The following ANGPTL7 variants were observed in gnomAD, a reference collection of about 807,000 sequenced individuals.
ANGPTL7 encodes angiopoietin like 7.
In ANGPTL7, 37 loss-of-function variants were observed where a neutral mutation model predicts 38.8. The ratio of observed to expected loss-of-function variants is 0.95; its 90% CI spans 0.73 to 1.25. The LOEUF (loss-of-function observed/expected upper bound fraction) is 1.25, where lower values mean the gene tolerates loss of function less well. ANGPTL7 is among the 50% of genes most tolerant of loss of function. The pLI, the probability that ANGPTL7 is intolerant of heterozygous loss-of-function variation, is 0.00. For synonymous variants in ANGPTL7, 166 were observed against 163.2 expected, an observed-to-expected ratio of 1.02 and a Z score of -0.13; for missense variants, 427 against 438.6, an observed-to-expected ratio of 0.97 and a Z score of 0.24.
chr1:11,193,540 C>T, intron 2 of ANGPTL7, 40 bp from the exon 3 acceptor site: 1 of 1,537,226 alleles, frequency 6.5e-7, no homozygotes, highest in Non-Finnish European at 8.8e-7. Context: ...CTGCCTTCTG[C>T]CCCTGCAAGT....
Position 11,189,936 on chromosome 1 carries a change from G to A in ANGPTL7, c.357G>A (p.Thr119=), listed in dbSNP as rs764501879. ...IDIMQLQAAQ[T]VTQTSADAIY... ...TCATGCAGCTGCAGGCAGCACAGAC[G>A]GTCACTCAGACCTCCGCAGGTAAGG... The change falls in exon 1 of 5, where the codon ACG becomes ACA. Residue 119 remains threonine (T), a synonymous_variant. Transcript: ENST00000376819. 10 of 1,611,722 alleles carry A rather than the reference G, an allele frequency of 6.2e-6. No homozygotes were observed. Among genetic ancestry groups the A allele is most frequent in the South Asian group, 1.1e-5 (1 of 90,774 alleles).
Position 11,192,280 on chromosome 1 carries a change from C to T in ANGPTL7, c.387C>T (p.Tyr129=), listed in dbSNP as rs780250364. The T allele has an allele frequency of 2.8e-5, 45 of 1,613,154 alleles. No individual in the cohort carries two copies. Among genetic ancestry groups the T allele is most frequent in the East Asian group, 1.3e-4 (6 of 44,888 alleles). Residue 129 remains tyrosine (Y), a synonymous_variant, in exon 2 of 5, where the codon TAC becomes TAT. Transcript: ENST00000376819. ...TVTQTSADAI[Y]DCSSLYQKNY... is the part of the protein sequence containing the mutation. ...TTTGTTCTCTTGTAGATGCCATCTA[C>T]GACTGCTCTTCCCTCTACCAGAAGA...
At position 11,195,359 on chromosome 1, in the gene ANGPTL7, TA is replaced by T. The variant is rs1456581252; in HGVS notation, c.*337del. ...AAAGAAAATAATTTTGAGATCGTTTTATCTATTTTCTCTACGGCTTAGGCTA... is the reference window on the plus strand; with the variant it reads ...AAAGAAAATAATTTTGAGATCGTTTTTCTATTTTCTCTACGGCTTAGGCTA... On this transcript the variant is annotated 3_prime_UTR_variant, in exon 5 of 5. Coordinates refer to ENST00000376819, the MANE Select transcript of ANGPTL7 (RefSeq NM_021146.4). 1 of 223,908 alleles carries T rather than the reference TA, an allele frequency of 4.5e-6. No homozygotes were observed. Among genetic ancestry groups the T allele is most frequent in the Non-Finnish European group, 8.8e-6 (1 of 113,254 alleles). The allele number at this position is 223,908 out of a possible 1,614,324, so 13.9% of individuals were successfully genotyped here. A position where few individuals can be genotyped will look rare whatever the true frequency, so the allele number is the denominator to read the frequency against.
intron 2 of ANGPTL7, 51 bp downstream of exon 2, chr1:11,192,421 C>A (rs773696473): frequency 3.5e-6 from 5 of 1,435,224 alleles, no homozygotes; most frequent in Non-Finnish European, 4.9e-6. Flanking sequence ...CCTTCACCCC[C>A]TCAAGGGGAC....
rs573634762 is a variant in ANGPTL7, at chr1:11,192,375, G to A, written c.477+5G>A. 2.5e-6 allele frequency: 4 copies of A among 1,601,898 alleles called. No individual in the cohort carries two copies. The African/African-American group carries it at 5.4e-5, about 21-fold the overall frequency. On this transcript the variant is annotated splice_donor_5th_base_variant and intron_variant, in intron 2 of 4. Coordinates refer to ENST00000376819, the MANE Select transcript of ANGPTL7 (RefSeq NM_021146.4). ...CTGGGCAGCCCTGAACTGGAGGTGA[G>A]GTCATTACAGTCACTGGCCATGCCC...
Position 11,189,510 on chromosome 1 carries a change from T to C in ANGPTL7, c.-70T>C, listed in dbSNP as rs191062280. The C allele has an allele frequency of 4.2e-4, 632 of 1,509,020 alleles. 3 individuals are homozygous for C. The African/African-American group carries it at 6.9e-3, about 17-fold the overall frequency. The allele number at this position is 1,509,020 out of a possible 1,614,324, so 93.5% of individuals were successfully genotyped here. Reference sequence around the variant, plus strand: ...AAGGTTCAGTCAGCCTGCTGCAGCTTTGCAGACCTCAGCTGGGCATCTCCA... The same window carrying C: ...AAGGTTCAGTCAGCCTGCTGCAGCTCTGCAGACCTCAGCTGGGCATCTCCA... On this transcript the variant is annotated 5_prime_UTR_variant, in exon 1 of 5. Coordinates refer to ENST00000376819, the MANE Select transcript of ANGPTL7 (RefSeq NM_021146.4).
Position 11,189,677 on chromosome 1 carries a change from A to G in ANGPTL7, c.98A>G (p.Lys33Arg). 1 of 1,614,188 alleles carries G rather than the reference A, an allele frequency of 6.2e-7. No individual in the cohort carries two copies. Among genetic ancestry groups the G allele is most frequent in the Non-Finnish European group, 8.5e-7 (1 of 1,180,020 alleles). Reference protein sequence around the residue: ...PAWLQKLSKHKTPAQPQLKAA... With the variant: ...PAWLQKLSKHRTPAQPQLKAA... ...TGGCTGCAGAAGCTCTCTAAGCACAAGACACCAGCACAGCCACAGCTCAAA... is the reference window on the plus strand; with the variant it reads ...TGGCTGCAGAAGCTCTCTAAGCACAGGACACCAGCACAGCCACAGCTCAAA... Residue 33 changes from lysine to arginine, a missense_variant, in exon 1 of 5, where the codon AAG becomes AGG. Transcript: ENST00000376819.
Position 11,192,202 on chromosome 1 carries a change from C to T in ANGPTL7, c.377-68C>T, listed in dbSNP as rs1409745788. ...CCCAGGGTAGAAATAAAGGCTCAGT[C>T]TCTAAACACTCAACTCAGATGGAGC... On this transcript the variant is annotated intron_variant, in intron 1 of 4. Coordinates refer to ENST00000376819, the MANE Select transcript of ANGPTL7 (RefSeq NM_021146.4). 10 of 1,175,844 alleles carry T rather than the reference C, an allele frequency of 8.5e-6. No individual in the cohort carries two copies. The East Asian group carries it at 1.6e-4, about 19-fold the overall frequency. The allele number at this position is 1,175,844 out of a possible 1,614,324, so 72.8% of individuals were successfully genotyped here. A position where few individuals can be genotyped will look rare whatever the true frequency, so the allele number is the denominator to read the frequency against.
At position 11,193,694 on chromosome 1, in the gene ANGPTL7, A is replaced by C. The variant is rs747782579; in HGVS notation, c.592A>C (p.Ile198Leu). 5.0e-6 allele frequency: 8 copies of C among 1,613,992 alleles called. No individual in the cohort carries two copies. Among genetic ancestry groups the C allele is most frequent in the Non-Finnish European group, 6.8e-6 (8 of 1,180,014 alleles). ...WKQYKQGFGS[I>L]RGDFWLGNEH... ...GCAGTACAAGCAGGGCTTTGGCAGC[A>C]TCCGTGGGGACTTCTGGCTGGGGAA... The change falls in exon 3 of 5, where the codon ATC becomes CTC. Residue 198 changes from isoleucine (I) to leucine (L), a missense_variant. Coordinates refer to ENST00000376819, the MANE Select transcript of ANGPTL7 (RefSeq NM_021146.4).
intron 3 of ANGPTL7, among the ~76,000 whole-genome samples, chr1:11,194,019 G>A (rs1216041511): frequency 6.6e-6 from 1 of 152,214 alleles, no homozygotes; most frequent in Non-Finnish European, 1.5e-5. Flanking sequence ...GGCCAGAGTA[G>A]AGCAAATTCA....
intron 1 of ANGPTL7, among the ~76,000 whole-genome samples, chr1:11,190,931 T>G (rs536945894): frequency 9.2e-5 from 14 of 152,350 alleles, no homozygotes; most frequent in Non-Finnish European, 2.9e-5. Flanking sequence ...AAACCAAGCT[T>G]GAAAATTCTG....
chr1:11,194,347 A>T (rs1645689453), intron 3 of ANGPTL7, 114 bp from the exon 4 acceptor site: 3 of 972,396 alleles, frequency 3.1e-6, no homozygotes, highest in Non-Finnish European at 3.2e-6. Flanking sequence ...GTCTTATTAG[A>T]TTCACACCTA....
At position 11,193,682 on chromosome 1, in the gene ANGPTL7, G is replaced by C. The variant is rs1645650785; in HGVS notation, c.580G>C (p.Gly194Arg). ...CCGGGACTGGAAGCAGTACAAGCAGGGCTTTGGCAGCATCCGTGGGGACTT... is the reference window on the plus strand; with the variant it reads ...CCGGGACTGGAAGCAGTACAAGCAGCGCTTTGGCAGCATCCGTGGGGACTT... The part of the protein sequence containing the change: ...FYRDWKQYKQ[G>R]FGSIRGDFWL... Residue 194 changes from glycine (G) to arginine (R), a missense_variant, in exon 3 of 5, where the codon GGC (glycine) becomes CGC (arginine). Gly to Arg is a moderately radical substitution (Grantham distance 125). Transcript: ENST00000376819. The C allele has an allele frequency of 6.2e-7, 1 of 1,614,122 alleles. No individual in the cohort carries two copies. Among genetic ancestry groups the C allele is most frequent in the Non-Finnish European group, 8.5e-7 (1 of 1,180,024 alleles).
Position 11,195,142 on chromosome 1 carries a change from C to T in ANGPTL7, c.*119C>T, listed in dbSNP as rs542227496. The T allele has an allele frequency of 1.3e-4, 147 of 1,105,832 alleles. 1 individual carries two copies. In the South Asian group the frequency reaches 2.3e-3, roughly 17 times the overall value. The allele number at this position is 1,105,832 out of a possible 1,614,324, so 68.5% of individuals were successfully genotyped here. The stretch of plus-strand genomic sequence containing the variant: ...AGGACTGAGAAACAGCCTATAATCT[C>T]CAAAGAAAGAATAAGTCTCCAAGGA... On this transcript the variant is annotated 3_prime_UTR_variant, in exon 5 of 5. Transcript: ENST00000376819.
Position 11,195,354 on chromosome 1 carries a change from C to A in ANGPTL7, c.*331C>A. ...CTGTGAAAGAAAATAATTTTGAGAT[C>A]GTTTTATCTATTTTCTCTACGGCTT... is the stretch of plus-strand genomic sequence containing the variant. On this transcript the variant is annotated 3_prime_UTR_variant, in exon 5 of 5. Transcript: ENST00000376819. The A allele has an allele frequency of 4.4e-6, 1 of 228,082 alleles. No homozygotes were observed. 14.1% of individuals were successfully genotyped at this position (228,082 alleles called of 1,614,324 possible). A position where few individuals can be genotyped will look rare whatever the true frequency, so the allele number is the denominator to read the frequency against.
chr1:11,195,014 C>A lies in ANGPTL7; in HGVS notation c.1032C>A (p.Phe344Leu). 6.2e-7 allele frequency: 1 copy of A among 1,613,584 alleles called. No individual in the cohort carries two copies. The highest frequency in any genetic ancestry group is 1.1e-5 in the South Asian group (1 of 91,036). ...AGATGAAAATCCGCCCAGAAGACTT[C>A]AAGCCTTAAAAGGAGGCTGCCGTGG... ...RVEMKIRPED[F>L]KP is the part of the protein sequence containing the mutation. Residue 344 changes from phenylalanine (F) to leucine (L), a missense_variant, in exon 5 of 5, where the codon TTC (phenylalanine) becomes TTA (leucine). Transcript: ENST00000376819.
intron 1 of ANGPTL7, 64 bp downstream of exon 1, chr1:11,190,019 T>C: frequency 5.2e-6 from 8 of 1,532,126 alleles, no homozygotes; most frequent in Non-Finnish European, 6.1e-6. Context: ...TGCTTCTACA[T>C]ATCCTGGTCA....
At position 11,189,396 on chromosome 1, in the gene ANGPTL7, T is replaced by C. The variant is rs1571111467; in HGVS notation, c.-184T>C. 1.4e-6 allele frequency: 1 copy of C among 732,406 alleles called. No individual in the cohort carries two copies. Among genetic ancestry groups the C allele is most frequent in the South Asian group, 1.8e-5 (1 of 54,076 alleles). 45.4% of individuals were successfully genotyped at this position (732,406 alleles called of 1,614,324 possible). ...CTATAGGCTACCCATTCAGCTCCCC[T>C]GTCAGAGACTCAAGCTTTGAGAAAG... On this transcript the variant is annotated 5_prime_UTR_variant, in exon 1 of 5. Coordinates refer to ENST00000376819, the MANE Select transcript of ANGPTL7 (RefSeq NM_021146.4).
chr1:11,195,277 T>C lies in ANGPTL7; in HGVS notation c.*254T>C. On this transcript the variant is annotated 3_prime_UTR_variant, in exon 5 of 5. Transcript: ENST00000376819. ...AAGGTGGTAGACTGAGTGGGGTCTC[T>C]CTGCCCAAGATCCCTGACATAGCAG... The C allele has an allele frequency of 2.5e-6, 1 of 407,180 alleles. No homozygotes were observed. The highest frequency in any genetic ancestry group is 5.6e-5 in the South Asian group (1 of 17,888). The allele number at this position is 407,180 out of a possible 1,614,324, so 25.2% of individuals were successfully genotyped here. A position where few individuals can be genotyped will look rare whatever the true frequency, so the allele number is the denominator to read the frequency against.
Sources: gnomAD v4.1 joint callset for allele counts (sites outside exome capture counted in the v4.1 genomes callset) on GRCh38, gnomAD v4.1.1 for gene constraint, MANE v1.5 for transcripts, NCBI Gene and HGNC (gene_info 2026-07-23, HGNC 2026-07-21) for gene names.